The following MBD3 variants were observed in gnomAD, a reference collection of about 807,000 sequenced individuals.
MBD3 encodes the protein methyl-CpG binding domain protein 3.
A neutral mutation model predicts 31.2 loss-of-function variants in MBD3; 13 were observed. That is an observed-to-expected ratio of 0.42 (90% CI 0.27 to 0.66). MBD3 has a LOEUF of 0.66. Among genes scored for constraint, MBD3 ranks in the 30% least tolerant of loss-of-function variants. The probability of loss-of-function intolerance (pLI) is 0.26; values close to 1 mark genes in which losing one functional copy is unlikely to be tolerated. For synonymous variants in MBD3, 223 were observed against 187.4 expected (o/e 1.19, Z -1.55); for missense variants, 440 against 426.5 (o/e 1.03, Z -0.28).
At chr19:1,579,140 C>T (rs1204585648) in intron 5 of MBD3, among the ~76,000 whole-genome samples, 3 of 135,896 alleles carry the variant, frequency 2.2e-5, no homozygotes, top group Non-Finnish European at 3.1e-5. Context: ...GCTGGGATGG[C>T]GCCATTGCAC....
At chr19:1,580,939 C>T (rs1035596893) in intron 5 of MBD3, among the ~76,000 whole-genome samples, 153 bp downstream of exon 5, 5 of 152,212 alleles carry the variant, frequency 3.3e-5, no homozygotes, top group African/African-American at 4.8e-5. Flanking sequence ...CATACTGCTC[C>T]GACGATGGGT....
chr19:1,584,310 G>A (rs8104174), intron 3 of MBD3, among the ~76,000 whole-genome samples: 23,897 of 152,020 alleles, frequency 0.16, 2,106 homozygotes, highest in Non-Finnish European at 0.2. Context: ...TCAGCCTCCT[G>A]GGCTCAAGCA....
At chr19:1,588,056 C>A (rs1040549003) in intron 1 of MBD3, among the ~76,000 whole-genome samples, 1 of 152,210 alleles carries the variant, frequency 6.6e-6, no homozygotes, top group Admixed American at 6.5e-5. Context: ...CCATGCTTAG[C>A]TCAATCGCCT....
intron 1 of MBD3, 71 bp downstream of exon 1, chr19:1,592,451 G>GCGCCGAGGC (rs1195005120): frequency 7.1e-5 from 51 of 714,504 alleles, no homozygotes; most frequent in Non-Finnish European, 4.0e-6. Flanking sequence ...CGGGGCAGGG[G>GCGCCGAGGC]CGCCGAGGCC....
intron 1 of MBD3, among the ~76,000 whole-genome samples, chr19:1,590,317 T>C (rs1370945629): frequency 6.6e-6 from 1 of 151,646 alleles, no homozygotes; most frequent in Admixed American, 6.6e-5. Flanking sequence ...CCCCACTGAA[T>C]TGTACATTTC....
chr19:1,584,061 G>C (rs2060666007), intron 3 of MBD3, among the ~76,000 whole-genome samples: 3 of 152,006 alleles, frequency 2.0e-5, no homozygotes. Flanking sequence ...GACCTCTCAG[G>C]TGATCCACCT....
intron 1 of MBD3, chr19:1,586,055 C>A (rs1473198939): frequency 2.6e-5 from 4 of 152,260 alleles, no homozygotes; most frequent in Non-Finnish European, 2.9e-5. Context: ...ACCCAACACA[C>A]CGTCATCATG....
intron 3 of MBD3, among the ~76,000 whole-genome samples, chr19:1,583,972 C>A (rs889642013): frequency 2.6e-5 from 4 of 151,906 alleles, no homozygotes; most frequent in Admixed American, 6.6e-5. Context: ...CAGGCGCACA[C>A]CACCACGCCC....
intron 4 of MBD3, 83 bp downstream of exon 4, chr19:1,582,539 C>G: frequency 7.6e-7 from 1 of 1,324,036 alleles, no homozygotes; most frequent in Non-Finnish European, 1.1e-6. Flanking sequence ...AGCCATCCAC[C>G]CTGCCAGGAG....
chr19:1,589,568 G>A (rs529143406), intron 1 of MBD3, among the ~76,000 whole-genome samples: 6 of 152,090 alleles, frequency 3.9e-5, no homozygotes, highest in African/African-American at 9.7e-5. Context: ...CAGGAGAATC[G>A]CTTGAACTCA....
chr19:1,577,999 G>T lies in MBD3; in HGVS notation c.*165C>A. The T allele has an allele frequency of 2.3e-6, 1 of 443,256 alleles. No homozygotes were observed. Among genetic ancestry groups the T allele is most frequent in the East Asian group, 4.5e-5 (1 of 21,992 alleles). The allele number at this position is 443,256 out of a possible 1,614,324, so 27.5% of individuals were successfully genotyped here. On this transcript the variant is annotated 3_prime_UTR_variant, in exon 7 of 7. Coordinates refer to ENST00000434436, the MANE Select transcript of MBD3 (RefSeq NM_001281453.2). ...GGCAGCCCCAGCTGTGTGCCCCGAGGCCCCGGGAAGTGGGGACGGGCCGAG... is the reference window on the plus strand; with the variant it reads ...GGCAGCCCCAGCTGTGTGCCCCGAGTCCCCGGGAAGTGGGGACGGGCCGAG...
At position 1,591,805 on chromosome 19, in the gene MBD3, A is replaced by T. The variant is rs143986718; in HGVS notation, c.110+717T>A. On this transcript the variant is annotated intron_variant, in intron 1 of 6. Transcript: ENST00000434436. ...CGGAGGGGGTTCCCTGCGACCTTTC[A>T]GAGCAGCGCCTTGTTCCAATTTGGG... 3.3e-3 allele frequency among the ~76,000 whole-genome samples: 503 copies of T among 151,858 alleles called. 3 individuals are homozygous for T. Among genetic ancestry groups the T allele is most frequent in the African/African-American group, 0.011 (474 of 41,438 alleles).
intron 5 of MBD3, among the ~76,000 whole-genome samples, chr19:1,579,395 G>C (rs965038671): frequency 2.0e-5 from 3 of 151,792 alleles, no homozygotes; most frequent in Non-Finnish European, 4.4e-5. Context: ...CTCCTCCTCG[G>C]GGCCTACAAG....
intron 3 of MBD3, among the ~76,000 whole-genome samples, chr19:1,584,042 C>CA (rs2060665801): frequency 6.6e-6 from 1 of 151,880 alleles, no homozygotes; most frequent in Non-Finnish European, 1.5e-5. Context: ...AGCCTGGTCT[C>CA]AAACTCCTGA....
intron 3 of MBD3, chr19:1,583,316 A>T (rs1056779051): frequency 4.2e-5 from 6 of 142,454 alleles, no homozygotes; most frequent in African/African-American, 1.6e-4. Context: ...TGAAACCAGG[A>T]GGCAGAGGTT....
rs1381759399 is a variant in MBD3 at position 1,584,603 on chromosome 19, A to G, written c.345T>C (p.Ile115=). The G allele has an allele frequency of 6.2e-7, 1 of 1,613,878 alleles. No individual in the cohort carries two copies. The highest frequency in any genetic ancestry group is 1.7e-5 in the Admixed American group (1 of 60,018). Residue 115 remains isoleucine, a synonymous_variant, in exon 3 of 7, where the codon ATT becomes ATC. Transcript: ENST00000434436. ...TGACCTTGTTGCTGGGGTGGTTGGT[A>G]ATCTTGGTCACCGGCTGCTTGAAGA... The part of the protein sequence containing the change: ...ASIFKQPVTK[I]TNHPSNKVKS...
Position 1,574,279 on chromosome 19 carries a change from C to CA in MBD3, c.*3884dup, listed in dbSNP as rs1568270618. 1 of 152,112 alleles carries CA rather than the reference C, an allele frequency of 6.6e-6. No homozygotes were observed. Among genetic ancestry groups the CA allele is most frequent in the Non-Finnish European group, 1.5e-5 (1 of 68,094 alleles). The allele number at this position is 152,112 out of a possible 1,614,324, so 9.4% of individuals were successfully genotyped here. A position where few individuals can be genotyped will look rare whatever the true frequency, so the allele number is the denominator to read the frequency against. On this transcript the variant is annotated 3_prime_UTR_variant, in exon 7 of 7. Coordinates refer to ENST00000434436, the MANE Select transcript of MBD3 (RefSeq NM_001281453.2). ...CACCATTGCACTCCAGCCTGGGTGA[C>CA]AAGAGTGAGACTCCATCTCAAAAAA...
At chr19:1,586,388 A>G (rs1250013834) in intron 1 of MBD3, 1 of 152,324 alleles carries the variant, frequency 6.6e-6, no homozygotes, top group African/African-American at 2.4e-5. Context: ...AAGGCCACAC[A>G]GTGTGTGATC....
At chr19:1,588,323 A>T (rs947098851) in intron 1 of MBD3, among the ~76,000 whole-genome samples, 2 of 152,184 alleles carry the variant, frequency 1.3e-5, no homozygotes, top group African/African-American at 4.8e-5. Flanking sequence ...GCTGACGTTC[A>T]GTCGAAGCTG....
Sources: gnomAD v4.1 joint callset for allele counts (sites outside exome capture counted in the v4.1 genomes callset) on GRCh38, gnomAD v4.1.1 for gene constraint, MANE v1.5 for transcripts, NCBI Gene and HGNC (gene_info 2026-07-23, HGNC 2026-07-21) for gene names.